Variants in SEMA6D observed in about 807,000 individuals in gnomAD.
The protein encoded by SEMA6D is semaphorin-6D.
Under a neutral mutation model 106.6 loss-of-function variants are expected in SEMA6D, and 35 were observed. The observed-to-expected ratio is 0.33, with a 90% CI of 0.25 to 0.44. The LOEUF is 0.44. SEMA6D is among the 20% of genes least tolerant of loss of function. The pLI is 1.00. For synonymous variants in SEMA6D, 499 were observed against 487.7 expected (o/e 1.02, Z -0.31); for missense variants, 1,185 against 1,345.9 (o/e 0.88, Z 1.87).
intron 2 of SEMA6D, among the ~76,000 whole-genome samples, chr15:47,417,660 G>T (rs1410846686): frequency 6.6e-6 from 1 of 151,922 alleles, no homozygotes; most frequent in East Asian, 1.9e-4. Context: ...GTGCCATATT[G>T]TCATGGCACT....
At chr15:47,239,907 A>T (rs1209007494) in intron 1 of SEMA6D, among the ~76,000 whole-genome samples, 1 of 152,206 alleles carries the variant, frequency 6.6e-6, no homozygotes, top group East Asian at 1.9e-4. Context: ...CTTCAGTTAC[A>T]TCATCTGTAA....
intron 1 of SEMA6D, among the ~76,000 whole-genome samples, chr15:47,305,974 A>G (rs941103314): frequency 6.6e-6 from 1 of 151,256 alleles, no homozygotes; most frequent in East Asian, 1.9e-4. Flanking sequence ...TTGGTAACTC[A>G]TCTTTTTTTT....
At chr15:47,522,959 C>T (rs1487873842) in intron 3 of SEMA6D, among the ~76,000 whole-genome samples, 2 of 152,160 alleles carry the variant, frequency 1.3e-5, no homozygotes, top group African/African-American at 4.8e-5. Context: ...GAAGCAGAGC[C>T]TCTGTGTTAG....
intron 4 of SEMA6D, among the ~76,000 whole-genome samples, chr15:47,632,655 T>C (rs2077313870): frequency 1.3e-5 from 2 of 152,076 alleles, no homozygotes. Context: ...TCAACCTTCC[T>C]ATATTATTGA....
chr15:47,426,602 A>C (rs1292212827), intron 2 of SEMA6D, among the ~76,000 whole-genome samples: 1 of 152,130 alleles, frequency 6.6e-6, no homozygotes, highest in South Asian at 2.1e-4. Context: ...ACAGAAGGAA[A>C]GATTTGAAGA....
At chr15:47,439,189 A>C (rs985880429) in intron 2 of SEMA6D, among the ~76,000 whole-genome samples, 2 of 152,146 alleles carry the variant, frequency 1.3e-5, no homozygotes, top group Non-Finnish European at 2.9e-5. Flanking sequence ...GTGAGCATAT[A>C]CCCAGAAATT....
chr15:47,750,769 A>C (rs1034388159), intron 1 of SEMA6D, among the ~76,000 whole-genome samples: 2 of 152,220 alleles, frequency 1.3e-5, no homozygotes, highest in African/African-American at 4.8e-5. Flanking sequence ...AGAAGGAGGA[A>C]GGGTCTCAGA....
chr15:47,513,767 G>A (rs374851310), intron 3 of SEMA6D, among the ~76,000 whole-genome samples: 184 of 152,308 alleles, frequency 1.2e-3, no homozygotes, highest in African/African-American at 4.3e-3. Context: ...TCAGGATACC[G>A]AACCAGTCAT....
chr15:47,593,611 A>C (rs2076482237), intron 3 of SEMA6D, among the ~76,000 whole-genome samples: 1 of 151,942 alleles, frequency 6.6e-6, no homozygotes, highest in South Asian at 2.1e-4. Flanking sequence ...TTCCAGGGTG[A>C]AGTGGTATGT....
At chr15:47,232,503 C>T (rs2032267304) in intron 1 of SEMA6D, among the ~76,000 whole-genome samples, 1 of 144,286 alleles carries the variant, frequency 6.9e-6, no homozygotes, top group Admixed American at 7.3e-5. Flanking sequence ...TCCTTTCTAG[C>T]TCTTGTTATT....
chr15:47,308,324 T>G (rs2036310787), intron 1 of SEMA6D, among the ~76,000 whole-genome samples: 1 of 152,164 alleles, frequency 6.6e-6, no homozygotes, highest in African/African-American at 2.4e-5. Context: ...ATATGCCAAA[T>G]GGGAATGGGC....
At chr15:47,246,038 T>C (rs924072233) in intron 1 of SEMA6D, among the ~76,000 whole-genome samples, 1 of 152,136 alleles carries the variant, frequency 6.6e-6, no homozygotes, top group African/African-American at 2.4e-5. Context: ...GGATATATGC[T>C]CCTCTCTCAA....
chr15:47,392,923 T>C (rs2145845133), intron 1 of SEMA6D, among the ~76,000 whole-genome samples: 1 of 152,218 alleles, frequency 6.6e-6, no homozygotes, highest in African/African-American at 2.4e-5. Flanking sequence ...GAGAGACTCC[T>C]GTCCTGCAAG....
rs78693157 is a variant in SEMA6D at position 47,591,108 on chromosome 15, G to T, written c.-86-9757G>T. Among the ~76,000 whole-genome samples, 785 of 152,270 alleles carry T rather than the reference G, an allele frequency of 5.2e-3. 2 individuals carry two copies. Among genetic ancestry groups the T allele is most frequent in the African/African-American group, 0.017 (724 of 41,546 alleles). On this transcript the variant is annotated intron_variant, in intron 3 of 19. Coordinates refer to the SEMA6D transcript ENST00000558014. ...GTTCAAGGTCAAGGTACCAACAGGTGCAGGTGAGGACTTTCTCCCTGCTTC... is the reference window on the plus strand; with the variant it reads ...GTTCAAGGTCAAGGTACCAACAGGTTCAGGTGAGGACTTTCTCCCTGCTTC...
chr15:47,287,119 A>G (rs574390746), intron 1 of SEMA6D, among the ~76,000 whole-genome samples: 1 of 152,158 alleles, frequency 6.6e-6, no homozygotes, highest in Non-Finnish European at 1.5e-5. Flanking sequence ...ATGAAAACTC[A>G]TATGTCTGTC....
At chr15:47,752,322 T>A (rs2081486250) in intron 1 of SEMA6D, among the ~76,000 whole-genome samples, 1 of 152,190 alleles carries the variant, frequency 6.6e-6, no homozygotes, top group Admixed American at 6.5e-5. Context: ...TGTCAACTGC[T>A]TCTAAAGCTA....
At chr15:47,669,417 G>A (rs2078096281) in intron 4 of SEMA6D, among the ~76,000 whole-genome samples, 1 of 152,094 alleles carries the variant, frequency 6.6e-6, no homozygotes, top group Non-Finnish European at 1.5e-5. Context: ...CCTGGCATAT[G>A]GTGTGTGTTT....
At chr15:47,310,046 T>C (rs776297520) in intron 1 of SEMA6D, among the ~76,000 whole-genome samples, 5 of 152,204 alleles carry the variant, frequency 3.3e-5, no homozygotes, top group Non-Finnish European at 7.3e-5. Context: ...ATCTTCTCAC[T>C]CATTTTCAGC....
At chr15:47,405,091 G>A (rs1860063513) in intron 1 of SEMA6D, among the ~76,000 whole-genome samples, 1 of 152,072 alleles carries the variant, frequency 6.6e-6, no homozygotes, top group African/African-American at 2.4e-5. Flanking sequence ...GCAAAGGCAG[G>A]GCATATTGGA....
Sources: gnomAD v4.1 joint callset for allele counts (sites outside exome capture counted in the v4.1 genomes callset) on GRCh38, gnomAD v4.1.1 for gene constraint, MANE v1.5 for transcripts, NCBI Gene and HGNC (gene_info 2026-07-23, HGNC 2026-07-21) for gene names.